AK8: variants seen among roughly 807,000 people sequenced by gnomAD.
AK8 encodes the protein ATP-AMP transphosphorylase 8.
A neutral mutation model predicts 54.6 loss-of-function variants in AK8; 44 were observed. The observed-to-expected ratio is 0.81, with a 90% CI of 0.63 to 1.04. AK8 has a LOEUF of 1.04. Among genes scored for constraint, AK8 ranks in the 50% least tolerant of loss-of-function variants. The probability of loss-of-function intolerance (pLI) is 0.00; values close to 1 mark genes in which losing one functional copy is unlikely to be tolerated. For synonymous variants in AK8, 239 were observed against 245.6 expected, an observed-to-expected ratio of 0.97 and a Z score of 0.25; for missense variants, 555 against 613.6, an observed-to-expected ratio of 0.90 and a Z score of 1.01.
chr9:132,732,692 G>A (rs1836902966), intron 11 of AK8, among the ~76,000 whole-genome samples: 2 of 152,110 alleles, frequency 1.3e-5, no homozygotes, highest in African/African-American at 4.8e-5. Flanking sequence ...TGAAGTTCAC[G>A]CCACGAGAGC....
chr9:132,736,526 G>A (rs1381607418), intron 11 of AK8, among the ~76,000 whole-genome samples: 1 of 150,474 alleles, frequency 6.6e-6, no homozygotes, highest in African/African-American at 2.4e-5. Context: ...GGCTGGGCGC[G>A]GTGGCTCACA....
At chr9:132,778,589 T>C (rs73546964) in intron 11 of AK8, among the ~76,000 whole-genome samples, 3,038 of 152,286 alleles carry the variant, frequency 0.02, 99 homozygotes, top group African/African-American at 0.067. Flanking sequence ...CTTCTCACTT[T>C]GGACCATGTT....
intron 2 of AK8, among the ~76,000 whole-genome samples, chr9:132,867,286 T>A (rs1843640903): frequency 6.6e-6 from 1 of 152,240 alleles, no homozygotes; most frequent in Non-Finnish European, 1.5e-5. Flanking sequence ...AGGAACGCTC[T>A]CTCCAATAAG....
intron 11 of AK8, among the ~76,000 whole-genome samples, chr9:132,787,397 C>A (rs1250638514): frequency 1.3e-5 from 2 of 152,088 alleles, no homozygotes; most frequent in Non-Finnish European, 2.9e-5. Context: ...AGAAAAAAGT[C>A]ACGTATGAAG....
At chr9:132,829,958 C>A (rs1470212701) in intron 5 of AK8, among the ~76,000 whole-genome samples, 1 of 152,170 alleles carries the variant, frequency 6.6e-6, no homozygotes, top group Non-Finnish European at 1.5e-5. Context: ...ACTGGTAACA[C>A]CTCAGACCCA....
intron 1 of AK8, 176 bp from the exon 2 acceptor site, chr9:132,875,375 A>AT (rs1844048444): frequency 2.1e-6 from 2 of 955,156 alleles, no homozygotes; most frequent in African/African-American, 3.6e-5. Context: ...CAGAGGCATG[A>AT]GGGGGGCCAC....
intron 7 of AK8, 144 bp downstream of exon 7, chr9:132,827,869 T>A (rs1165333216): frequency 7.9e-6 from 6 of 759,636 alleles, no homozygotes; most frequent in Non-Finnish European, 1.3e-5. Flanking sequence ...GTCTTCCAGC[T>A]CAGAGCCCAG....
At chr9:132,827,336 C>T in intron 7 of AK8, 2 of 498,974 alleles carry the variant, frequency 4.0e-6, no homozygotes, top group Non-Finnish European at 7.3e-6. Flanking sequence ...TAGGCACCTG[C>T]AGACTCCCAT....
intron 11 of AK8, among the ~76,000 whole-genome samples, chr9:132,767,075 TA>T (rs1269820146): frequency 1.3e-5 from 2 of 152,256 alleles, no homozygotes; most frequent in Middle Eastern, 3.4e-3. Flanking sequence ...TCTGGGCAAA[TA>T]TTTTTTTGGT....
chr9:132,864,569 A>T lies in AK8; in HGVS notation c.220-791T>A, dbSNP rs368278504. Among the ~76,000 whole-genome samples the T allele has an allele frequency of 2.8e-4, 42 of 152,278 alleles. 1 individual carries two copies. The East Asian group carries it at 5.8e-3, about 21-fold the overall frequency. ...AAGCTGCCTTTGTGGGTGGTGAGAAACCTCAATGACAGCATTGGGAAGAAG... is the reference window on the plus strand; with the variant it reads ...AAGCTGCCTTTGTGGGTGGTGAGAATCCTCAATGACAGCATTGGGAAGAAG... On this transcript the variant is annotated intron_variant, in intron 3 of 12. Transcript: ENST00000298545.
chr9:132,818,425 G>A (rs1159081877), intron 9 of AK8, among the ~76,000 whole-genome samples: 1 of 152,194 alleles, frequency 6.6e-6, no homozygotes, highest in African/African-American at 2.4e-5. Context: ...TATGTCAACT[G>A]TAAAGAAGTA....
chr9:132,762,788 C>G (rs1801323812), intron 11 of AK8, among the ~76,000 whole-genome samples: 1 of 151,932 alleles, frequency 6.6e-6, no homozygotes, highest in Admixed American at 6.6e-5. Context: ...TCTGTAATTC[C>G]AGCTACTTGC....
intron 11 of AK8, chr9:132,769,176 C>CT (rs1377766803): frequency 6.6e-6 from 1 of 152,256 alleles, no homozygotes; most frequent in Non-Finnish European, 1.5e-5. Flanking sequence ...GACAGAGAGG[C>CT]TGAAGAGACA....
upstream of AK8, chr9:132,878,458 G>A (rs983947516): frequency 1.6e-6 from 2 of 1,223,108 alleles, no homozygotes; most frequent in Non-Finnish European, 2.0e-6. The surrounding 1 kb of genome is among the most constrained non-coding windows in gnomAD (Gnocchi z 4.7). Context: ...CCCCAACCCC[G>A]GCCTCGCTTT....
intron 5 of AK8, among the ~76,000 whole-genome samples, chr9:132,836,453 A>G (rs1482914168): frequency 6.6e-6 from 1 of 152,336 alleles, no homozygotes; most frequent in Middle Eastern, 3.4e-3. Context: ...ATTAAAAAAA[A>G]TTGTTTAAAA....
At chr9:132,835,141 A>T (rs1014039598) in intron 5 of AK8, among the ~76,000 whole-genome samples, 1 of 152,186 alleles carries the variant, frequency 6.6e-6, no homozygotes, top group African/African-American at 2.4e-5. Context: ...AAGTGCTGGG[A>T]TTACAGGCAT....
At chr9:132,793,039 C>T (rs1332629666) in intron 10 of AK8, among the ~76,000 whole-genome samples, 2 of 150,134 alleles carry the variant, frequency 1.3e-5, no homozygotes, top group African/African-American at 4.8e-5. Context: ...TCCCCACCTG[C>T]AACCCAGTGA....
intron 10 of AK8, among the ~76,000 whole-genome samples, chr9:132,801,333 C>G (rs758243263): frequency 2.6e-5 from 4 of 152,148 alleles, no homozygotes; most frequent in Non-Finnish European, 5.9e-5. Context: ...AGTAAAACTT[C>G]TCTATTGGAA....
intron 10 of AK8, among the ~76,000 whole-genome samples, chr9:132,811,768 G>T (rs545306178): frequency 6.6e-6 from 1 of 152,188 alleles, no homozygotes; most frequent in South Asian, 2.1e-4. Context: ...AGGCCTCAGG[G>T]TATCCTAATA....
Sources: allele counts gnomAD v4.1 joint callset (sites outside exome capture counted in the v4.1 genomes callset), GRCh38; gene constraint gnomAD v4.1.1; non-coding constraint Gnocchi (gnomAD v3.1); transcripts MANE v1.5; gene names NCBI Gene and HGNC (gene_info 2026-07-23, HGNC 2026-07-21).